The following PNKD variants were observed in gnomAD, a reference collection of about 807,000 sequenced individuals.
The protein encoded by PNKD is PNKD metallo-beta-lactamase domain containing, also known as probable thioesterase PNKD.
Under a neutral mutation model 45.3 loss-of-function variants are expected in PNKD, and 36 were observed. The ratio of observed to expected loss-of-function variants is 0.80; its 90% CI spans 0.61 to 1.05. PNKD has a LOEUF of 1.05. PNKD is among the 50% of genes least tolerant of loss of function. The probability of loss-of-function intolerance (pLI) is 0.00; values close to 1 mark genes in which losing one functional copy is unlikely to be tolerated. For synonymous variants in PNKD, 197 were observed against 210.1 expected, an observed-to-expected ratio of 0.94 and a Z score of 0.54; for missense variants, 511 against 506.6, an observed-to-expected ratio of 1.01 and a Z score of -0.08.
At chr2:218,288,883 A>T (rs907381173) in intron 2 of PNKD, among the ~76,000 whole-genome samples, 1 of 152,214 alleles carries the variant, frequency 6.6e-6, no homozygotes, top group Non-Finnish European at 1.5e-5. Flanking sequence ...ATAGTAACTA[A>T]GGCACATCTG....
At chr2:218,294,072 C>A (rs1437382006) in intron 2 of PNKD, among the ~76,000 whole-genome samples, 3 of 152,106 alleles carry the variant, frequency 2.0e-5, no homozygotes, top group East Asian at 3.8e-4. Flanking sequence ...TCCCCAGACA[C>A]CCCAACCCTT....
intron 2 of PNKD, chr2:218,277,319 A>C: frequency 6.4e-7 from 1 of 1,572,972 alleles, no homozygotes; most frequent in Non-Finnish European, 8.7e-7. Context: ...CGGGCCTGAT[A>C]AGAAAGGGGA....
At chr2:218,334,663 A>T in intron 2 of PNKD, 1 of 701,910 alleles carries the variant, frequency 1.4e-6, no homozygotes, top group African/African-American at 1.7e-5. Context: ...AAAGAATTAT[A>T]GATTTGCATT....
chr2:218,278,946 A>G (rs1454746579), intron 2 of PNKD: 1 of 1,491,098 alleles, frequency 6.7e-7, no homozygotes, highest in Non-Finnish European at 9.2e-7. Flanking sequence ...CTCAAAAAGC[A>G]TTTTGATCCT....
Position 218,301,457 on chromosome 2 carries a change from T to C in PNKD, c.236+29908T>C, listed in dbSNP as rs982017959. ...ACAATCAGTTCCCAGACATGACCAC[T>C]AGGGGGCAGAGTCTGACTAGCACTG... On this transcript the variant is annotated intron_variant, in intron 2 of 9. Coordinates refer to ENST00000273077, the MANE Select transcript of PNKD (RefSeq NM_015488.5). Among the ~76,000 whole-genome samples the C allele has an allele frequency of 2.0e-5, 3 of 152,090 alleles. No individual in the cohort carries two copies. The South Asian group carries it at 6.2e-4, about 32-fold the overall frequency.
chr2:218,277,036 T>A (rs1160852157), intron 2 of PNKD: 14 of 1,613,916 alleles, frequency 8.7e-6, no homozygotes, highest in Non-Finnish European at 1.1e-5. Flanking sequence ...CTAGTGACAA[T>A]CCCAGTCACC....
chr2:218,292,091 C>T lies in PNKD; in HGVS notation c.236+20542C>T, dbSNP rs558437189. On this transcript the variant is annotated intron_variant, in intron 2 of 9. Transcript: ENST00000273077. The stretch of plus-strand genomic sequence containing the variant: ...GCTGAGGGCCATGAAAGCCCTCATC[C>T]CACACAGCTGGCCACTCGGGCTGGC... Among the ~76,000 whole-genome samples the T allele has an allele frequency of 1.6e-4, 24 of 152,324 alleles. No individual in the cohort carries two copies. The East Asian group carries it at 2.9e-3, about 18-fold the overall frequency.
At chr2:218,320,077 T>A (rs1327684763) in intron 2 of PNKD, among the ~76,000 whole-genome samples, 1 of 152,210 alleles carries the variant, frequency 6.6e-6, no homozygotes, top group Non-Finnish European at 1.5e-5. Flanking sequence ...AGAGACAGGC[T>A]GGGCCCTATT....
intron 2 of PNKD, 131 bp downstream of exon 2, chr2:218,271,680 T>C (rs1313662792): frequency 5.1e-6 from 4 of 783,356 alleles, no homozygotes; most frequent in Non-Finnish European, 6.2e-6. Flanking sequence ...TTGGGTTCGA[T>C]TGGAATCTCA....
chr2:218,289,368 G>A (rs1158381136), intron 2 of PNKD, among the ~76,000 whole-genome samples: 4 of 152,086 alleles, frequency 2.6e-5, no homozygotes, highest in African/African-American at 4.8e-5. Flanking sequence ...ATGGCCAGGC[G>A]CGGTGGCTCA....
chr2:218,340,109 G>T lies in PNKD; in HGVS notation c.433G>T (p.Ala145Ser). The T allele has an allele frequency of 6.2e-7, 1 of 1,613,684 alleles. No individual in the cohort carries two copies. The highest frequency in any genetic ancestry group is 8.5e-7 in the Non-Finnish European group (1 of 1,179,680). ...CGACACCCAGGCCCAGCTGGCTGTG[G>T]CTGTGGACCCTTCAGACCCTCGGGC... The part of the protein sequence containing the change: ...IIDTQAQLAV[A>S]VDPSDPRAVQ... The change falls in exon 4 of 10, where the codon GCT becomes TCT. Residue 145 changes from alanine (A) to serine (S), a missense_variant. Transcript: ENST00000273077. This position sits in a 1 kb window ranked among gnomAD's most constrained non-coding sequence, Gnocchi z 4.2.
intron 2 of PNKD, among the ~76,000 whole-genome samples, chr2:218,330,859 G>A (rs1261938147): frequency 1.3e-5 from 2 of 152,216 alleles, no homozygotes; most frequent in Admixed American, 6.5e-5. Context: ...CTGTGCCTGG[G>A]AAGCCCATGG....
At chr2:218,279,067 C>G (rs759543911) in intron 2 of PNKD, 1 of 1,614,050 alleles carries the variant, frequency 6.2e-7, no homozygotes, top group Admixed American at 1.7e-5. Flanking sequence ...CCACATTTCT[C>G]CTCACAAAGG....
rs142238766 is a variant in PNKD at position 218,282,922 on chromosome 2, G to A, written c.236+11373G>A. Among the ~76,000 whole-genome samples the A allele has an allele frequency of 3.6e-3, 546 of 152,294 alleles. 4 individuals are homozygous for A. The highest frequency in any genetic ancestry group is 0.013 in the African/African-American group (525 of 41,552). Reference sequence around the variant, plus strand: ...GCGGTGGCGTGTCAGAAAGGCATGCGGCAGCCTGCGACCACAGCTGCTCTC... The same window carrying A: ...GCGGTGGCGTGTCAGAAAGGCATGCAGCAGCCTGCGACCACAGCTGCTCTC... On this transcript the variant is annotated intron_variant, in intron 2 of 9. Transcript: ENST00000273077.
chr2:218,279,114 A>T, intron 2 of PNKD: 1 of 1,613,900 alleles, frequency 6.2e-7, no homozygotes, highest in Non-Finnish European at 8.5e-7. Context: ...GGAGGACAGG[A>T]GTAGTCACCC....
chr2:218,331,074 G>A (rs528158199), intron 2 of PNKD, among the ~76,000 whole-genome samples: 194 of 152,316 alleles, frequency 1.3e-3, no homozygotes, highest in Non-Finnish European at 2.2e-3. Flanking sequence ...CCATAACATG[G>A]GGCAGTGACA....
Position 218,340,098 on chromosome 2 carries a change from A to T in PNKD, c.422A>T (p.Gln141Leu), listed in dbSNP as rs562682208. 8 of 1,613,958 alleles carry T rather than the reference A, an allele frequency of 5.0e-6. No individual in the cohort carries two copies. The highest frequency in any genetic ancestry group is 6.8e-6 in the Non-Finnish European group (8 of 1,179,896). ...TACCTCATCATCGACACCCAGGCCC[A>T]GCTGGCTGTGGCTGTGGACCCTTCA... The part of the protein sequence containing the change: ...YSYLIIDTQA[Q>L]LAVAVDPSDP... Residue 141 changes from glutamine (Q) to leucine (L), a missense_variant, in exon 4 of 10, where the codon CAG becomes CTG. Coordinates refer to ENST00000273077, the MANE Select transcript of PNKD (RefSeq NM_015488.5). This position sits in a 1 kb window ranked among gnomAD's most constrained non-coding sequence, Gnocchi z 4.2.
rs143066899 is a variant in PNKD at position 218,281,940 on chromosome 2, C to T, written c.236+10391C>T. On this transcript the variant is annotated intron_variant, in intron 2 of 9. Transcript: ENST00000273077. Reference sequence around the variant, plus strand: ...TTCCATCTGCCCTTCCAGGACTCACCGTAGTTCATGGGCATCGGGTGGGTG... The same window carrying T: ...TTCCATCTGCCCTTCCAGGACTCACTGTAGTTCATGGGCATCGGGTGGGTG... 5,266 of 1,592,592 alleles carry T rather than the reference C, an allele frequency of 3.3e-3. 22 individuals carry two copies. The highest frequency in any genetic ancestry group is 7.2e-3 in the Middle Eastern group (37 of 5,154).
chr2:218,293,071 T>G (rs1693033401), intron 2 of PNKD, among the ~76,000 whole-genome samples: 1 of 152,266 alleles, frequency 6.6e-6, no homozygotes, highest in Admixed American at 6.5e-5. Flanking sequence ...ATTCTGTGTT[T>G]TTGAGATAAA....
Sources: allele counts gnomAD v4.1 joint callset (sites outside exome capture counted in the v4.1 genomes callset), GRCh38; gene constraint gnomAD v4.1.1; non-coding constraint Gnocchi (gnomAD v3.1); transcripts MANE v1.5; gene names NCBI Gene and HGNC (gene_info 2026-07-23, HGNC 2026-07-21).